Variants in SYNPO observed in about 807,000 individuals in gnomAD.
SYNPO encodes the protein synaptopodin.
SYNPO carries 19 observed loss-of-function variants against 49.5 expected under a neutral mutation model. The observed-to-expected ratio is 0.38, with a 90% confidence interval of 0.27 to 0.56. The LOEUF is 0.56. Among genes scored for constraint, SYNPO ranks in the 20% least tolerant of loss-of-function variants. The pLI is 0.68. For missense variants in SYNPO, 1,131 were observed against 1,248.3 expected, an observed-to-expected ratio of 0.91 and a Z score of 1.42; for synonymous variants, 536 against 548.0, an observed-to-expected ratio of 0.98 and a Z score of 0.31.
intron 2 of SYNPO, among the ~76,000 whole-genome samples, chr5:150,655,934 G>A (rs1035572727): frequency 3.3e-5 from 5 of 152,156 alleles, no homozygotes; most frequent in African/African-American, 1.2e-4. Flanking sequence ...TACAGGCGCG[G>A]GCCACCGCGC....
chr5:150,625,608 G>T (rs1261368977), intron 2 of SYNPO, among the ~76,000 whole-genome samples: 1 of 152,212 alleles, frequency 6.6e-6, no homozygotes, highest in Admixed American at 6.5e-5. Context: ...TTGCCAAGGT[G>T]AGAGAGAGGC....
At position 150,649,692 on chromosome 5, in the gene SYNPO, C is replaced by T; in HGVS notation, c.1417C>T (p.Leu473Phe). Residue 473 changes from leucine to phenylalanine, a missense_variant, in exon 2 of 3, where the codon CTC (leucine) becomes TTC (phenylalanine). Coordinates refer to ENST00000307662, the MANE Select transcript of SYNPO (RefSeq NM_007286.6). ...AKPKPKPNQN[L>F]SEASGKGAEL... ...GCCGAAGCCCAAACCCAACCAGAAC[C>T]TCTCCGAGGCCTCTGGGAAGGGAGC... 1 of 1,611,888 alleles carries T rather than the reference C, an allele frequency of 6.2e-7. No homozygotes were observed. The highest frequency in any genetic ancestry group is 8.5e-7 in the Non-Finnish European group (1 of 1,180,012).
intron 2 of SYNPO, chr5:150,653,031 T>G (rs1758443679): frequency 1.3e-5 from 2 of 152,184 alleles, no homozygotes; most frequent in African/African-American, 4.8e-5. Flanking sequence ...TGTGTTCTAC[T>G]TATGTATTCA....
intron 1 of SYNPO, among the ~76,000 whole-genome samples, chr5:150,617,290 T>C (rs1757007437): frequency 6.7e-6 from 1 of 150,202 alleles, no homozygotes; most frequent in South Asian, 2.1e-4. Flanking sequence ...AGCACACCAC[T>C]GCACCATCTT....
At chr5:150,592,046 TC>T in the SYNPO span, among the ~76,000 whole-genome samples, 27 of 152,136 alleles carry the variant, frequency 1.8e-4, no homozygotes, top group Non-Finnish European at 3.2e-4. Flanking sequence ...ATGCCTATAA[TC>T]CCAGCTACTC....
chr5:150,625,372 G>A (rs1757321749), intron 2 of SYNPO, among the ~76,000 whole-genome samples: 1 of 152,164 alleles, frequency 6.6e-6, no homozygotes, highest in Admixed American at 6.5e-5. Flanking sequence ...GGGGGCAGCG[G>A]GAACGGCCAG....
At chr5:150,624,679 A>ACCCG (rs906343935) in intron 2 of SYNPO, 12 of 249,808 alleles carry the variant, frequency 4.8e-5, no homozygotes, top group East Asian at 1.8e-4. Flanking sequence ...AGCACGGCTC[A>ACCCG]CCCGCCCGCC....
chr5:150,610,373 G>A (rs1756814061), intron 1 of SYNPO, among the ~76,000 whole-genome samples: 3 of 152,158 alleles, frequency 2.0e-5, no homozygotes, highest in African/African-American at 4.8e-5. Context: ...CAGTGACCAC[G>A]CCAGGCCACA....
intron 1 of SYNPO, among the ~76,000 whole-genome samples, chr5:150,642,661 C>T (rs757296328): frequency 9.2e-5 from 14 of 152,316 alleles, no homozygotes; most frequent in African/African-American, 2.2e-4. Flanking sequence ...GGTGTCCCCC[C>T]GCCTCCCCAG....
intron 2 of SYNPO, among the ~76,000 whole-genome samples, chr5:150,634,808 AGAGT>A (rs1358293313): frequency 4.0e-5 from 6 of 150,624 alleles, no homozygotes; most frequent in African/African-American, 1.5e-4. Context: ...CCTGGGTGAC[AGAGT>A]GAGACCCTGT....
intron 1 of SYNPO, among the ~76,000 whole-genome samples, chr5:150,645,127 C>T (rs1758044891): frequency 6.6e-6 from 1 of 152,196 alleles, no homozygotes; most frequent in Admixed American, 6.5e-5. Context: ...CTCTGGATCT[C>T]TGTTTCCCAC....
At chr5:150,647,881 G>A in intron 1 of SYNPO, 63 bp from the exon 2 acceptor site, 1 of 1,453,748 alleles carries the variant, frequency 6.9e-7, no homozygotes, top group African/African-American at 1.4e-5. Context: ...CTGCCTGTTT[G>A]TCCGTGCACC....
upstream of SYNPO, among the ~76,000 whole-genome samples, chr5:150,636,475 C>T (rs1349691552): frequency 6.6e-6 from 1 of 152,208 alleles, no homozygotes; most frequent in East Asian, 1.9e-4. Flanking sequence ...CAGGGATCAG[C>T]CCAGTGTCTC....
At chr5:150,620,899 C>CTCTCTCTT (rs1554108179) in intron 2 of SYNPO, among the ~76,000 whole-genome samples, 1 of 108,866 alleles carries the variant, frequency 9.2e-6, no homozygotes, top group South Asian at 3.7e-4. Context: ...TTCTTTTTTT[C>CTCTCTCTT]TCTTTCTTTC....
At chr5:150,587,929 C>T in the SYNPO span, among the ~76,000 whole-genome samples, 6 of 152,214 alleles carry the variant, frequency 3.9e-5, no homozygotes, top group Admixed American at 2.0e-4. Context: ...CAAAATCTAG[C>T]TATTCCCTTG....
intron 1 of SYNPO, among the ~76,000 whole-genome samples, chr5:150,644,977 G>A (rs1581503829): frequency 1.3e-5 from 2 of 152,282 alleles, no homozygotes; most frequent in East Asian, 1.9e-4. Flanking sequence ...CGATGGAGGA[G>A]GGAAGAAGGA....
intron 2 of SYNPO, chr5:150,652,281 C>T (rs1758418159): frequency 1.0e-6 from 1 of 998,850 alleles, no homozygotes; most frequent in Non-Finnish European, 1.2e-6. Flanking sequence ...TGCGGCCAGG[C>T]TGAGCTCTGC....
At chr5:150,654,833 T>G (rs987610350) in intron 2 of SYNPO, among the ~76,000 whole-genome samples, 4 of 152,170 alleles carry the variant, frequency 2.6e-5, no homozygotes, top group Admixed American at 2.6e-4. Flanking sequence ...AGTCCAACTT[T>G]AATAATAGTC....
intron 1 of SYNPO, among the ~76,000 whole-genome samples, chr5:150,607,993 T>C (rs968031309): frequency 6.6e-6 from 1 of 152,282 alleles, no homozygotes; most frequent in Non-Finnish European, 1.5e-5. Flanking sequence ...ACATTTCAAG[T>C]GCTCAGTAGT....
Sources: allele counts gnomAD v4.1 joint callset (sites outside exome capture counted in the v4.1 genomes callset), GRCh38; gene constraint gnomAD v4.1.1; transcripts MANE v1.5; gene names NCBI Gene and HGNC (gene_info 2026-07-23, HGNC 2026-07-21).